CNTNAP2: variants seen among roughly 807,000 people sequenced by gnomAD.
CNTNAP2 encodes contactin-associated protein-like 2.
Under a neutral mutation model 155.2 loss-of-function variants are expected in CNTNAP2, and 98 were observed. The observed-to-expected ratio is 0.63, with a 90% CI of 0.54 to 0.75. The LOEUF (loss-of-function observed/expected upper bound fraction) is 0.75. Among genes scored for constraint, CNTNAP2 ranks in the 30% least tolerant of loss-of-function variants. The pLI, the probability that CNTNAP2 is intolerant of heterozygous loss-of-function variation, is 0.00. For synonymous variants in CNTNAP2, 651 were observed against 631.2 expected (o/e 1.03, Z -0.47); for missense variants, 1,727 against 1,688.1 (o/e 1.02, Z -0.40).
chr7:148,309,402 C>A (rs867655814), intron 21 of CNTNAP2, among the ~76,000 whole-genome samples: 1 of 152,094 alleles, frequency 6.6e-6, no homozygotes, highest in African/African-American at 2.4e-5. Context: ...AGCCTTCAGT[C>A]GAGATGAAAA....
intron 15 of CNTNAP2, among the ~76,000 whole-genome samples, chr7:148,004,421 TAAG>T (rs1271521346): frequency 6.6e-6 from 1 of 152,200 alleles, no homozygotes; most frequent in Non-Finnish European, 1.5e-5. Context: ...AAAATATTAA[TAAG>T]AAAAGCTCAA....
At chr7:146,350,007 T>TACAAA (rs1156658734) in intron 1 of CNTNAP2, among the ~76,000 whole-genome samples, 1 of 152,166 alleles carries the variant, frequency 6.6e-6, no homozygotes, top group East Asian at 1.9e-4. Flanking sequence ...TGAATCTGAA[T>TACAAA]GTTGGCCTGC....
chr7:148,116,265 G>A (rs1242451458), intron 15 of CNTNAP2, among the ~76,000 whole-genome samples: 2 of 152,012 alleles, frequency 1.3e-5, no homozygotes, highest in African/African-American at 2.4e-5. Flanking sequence ...TATTACCTGC[G>A]ACAGTAATTA....
At chr7:146,149,279 G>T (rs1798000513) in intron 1 of CNTNAP2, among the ~76,000 whole-genome samples, 1 of 152,076 alleles carries the variant, frequency 6.6e-6, no homozygotes, top group African/African-American at 2.4e-5. Flanking sequence ...TTTGTTAGGT[G>T]AAGAAAATGA....
rs535025143 is a variant in CNTNAP2 at position 148,100,677 on chromosome 7, T to A, written c.2384-17441T>A. Among the ~76,000 whole-genome samples the A allele has an allele frequency of 4.6e-5, 7 of 152,346 alleles. No individual in the cohort carries two copies. The South Asian group carries it at 1.5e-3, about 32-fold the overall frequency. Reference sequence around the variant, plus strand: ...ATGGTTTATGCCACATTATGTCACATTTTTTGTCCAAATGAATGCATGTTT... The same window carrying A: ...ATGGTTTATGCCACATTATGTCACAATTTTTGTCCAAATGAATGCATGTTT... On this transcript the variant is annotated intron_variant, in intron 15 of 23. Coordinates refer to ENST00000361727, the MANE Select transcript of CNTNAP2 (RefSeq NM_014141.6).
intron 13 of CNTNAP2, among the ~76,000 whole-genome samples, chr7:147,863,615 C>T (rs1223894218): frequency 6.6e-6 from 1 of 152,020 alleles, no homozygotes. Flanking sequence ...TTTTAATGAT[C>T]ACCATTCTAA....
intron 3 of CNTNAP2, among the ~76,000 whole-genome samples, chr7:146,927,603 A>T (rs1366563765): frequency 6.8e-6 from 1 of 147,868 alleles, no homozygotes; most frequent in Non-Finnish European, 1.5e-5. Context: ...TACTCCTGGA[A>T]TAATAGCATG....
chr7:148,288,902 C>T (rs1334940898), intron 21 of CNTNAP2, among the ~76,000 whole-genome samples: 1 of 134,554 alleles, frequency 7.4e-6, no homozygotes, highest in African/African-American at 2.9e-5. Context: ...GTTCATTCTA[C>T]TTTGACTTTT....
chr7:146,492,205 G>A (rs1797151296), intron 1 of CNTNAP2, among the ~76,000 whole-genome samples: 2 of 143,960 alleles, frequency 1.4e-5, no homozygotes, highest in South Asian at 5.0e-4. Context: ...CATATAAAAG[G>A]TTGAGAGAAG....
At chr7:147,218,316 C>T (rs1803320058) in intron 8 of CNTNAP2, among the ~76,000 whole-genome samples, 1 of 151,660 alleles carries the variant, frequency 6.6e-6, no homozygotes, top group African/African-American at 2.4e-5. Context: ...CTACATCCAA[C>T]AAATGTTAAT....
chr7:147,770,938 A>G (rs1209035564), intron 13 of CNTNAP2, among the ~76,000 whole-genome samples: 2 of 152,240 alleles, frequency 1.3e-5, no homozygotes, highest in African/African-American at 4.8e-5. Flanking sequence ...TCTTTCTACC[A>G]TACATAAAAG....
At chr7:146,865,951 C>G (rs1030758740) in intron 3 of CNTNAP2, among the ~76,000 whole-genome samples, 2 of 152,116 alleles carry the variant, frequency 1.3e-5, no homozygotes, top group African/African-American at 4.8e-5. Context: ...ATTGTCTTTG[C>G]GTCTGCTTCT....
chr7:147,194,163 T>C (rs906057086), intron 8 of CNTNAP2, among the ~76,000 whole-genome samples: 7 of 151,984 alleles, frequency 4.6e-5, no homozygotes, highest in African/African-American at 9.7e-5. Context: ...CTCCCACTTA[T>C]GAGTGAGAAC....
chr7:146,650,299 T>C (rs1282667105), intron 1 of CNTNAP2, among the ~76,000 whole-genome samples: 4 of 152,038 alleles, frequency 2.6e-5, no homozygotes, highest in Admixed American at 2.6e-4. Flanking sequence ...CAACCCAAAT[T>C]CCTATCAATG....
chr7:146,945,842 A>G (rs1455166244), intron 3 of CNTNAP2, among the ~76,000 whole-genome samples: 1 of 152,122 alleles, frequency 6.6e-6, no homozygotes, highest in Non-Finnish European at 1.5e-5. Flanking sequence ...AGCCCCCACC[A>G]TCTCCAGAAA....
chr7:146,765,985 G>A (rs900123689), intron 1 of CNTNAP2, among the ~76,000 whole-genome samples: 1 of 151,942 alleles, frequency 6.6e-6, no homozygotes, highest in Non-Finnish European at 1.5e-5. Flanking sequence ...ATAAAATAGC[G>A]CCAGAGATAT....
At chr7:148,193,779 T>C (rs1337915684) in intron 18 of CNTNAP2, among the ~76,000 whole-genome samples, 4 of 152,002 alleles carry the variant, frequency 2.6e-5, no homozygotes, top group Non-Finnish European at 5.9e-5. Flanking sequence ...AGGCCCAGCC[T>C]CATTTCCTGT....
intron 1 of CNTNAP2, among the ~76,000 whole-genome samples, chr7:146,455,904 C>T (rs942027949): frequency 3.3e-5 from 5 of 152,034 alleles, no homozygotes; most frequent in African/African-American, 1.2e-4. Flanking sequence ...TTAAAAGTGA[C>T]TTAAAACATG....
intron 8 of CNTNAP2, among the ~76,000 whole-genome samples, chr7:147,139,717 A>G (rs1801557236): frequency 6.6e-6 from 1 of 152,090 alleles, no homozygotes; most frequent in Non-Finnish European, 1.5e-5. Flanking sequence ...GGGATTCTGC[A>G]GATTCTGTGA....
Sources: allele counts gnomAD v4.1 joint callset (sites outside exome capture counted in the v4.1 genomes callset), GRCh38; gene constraint gnomAD v4.1.1; transcripts MANE v1.5; gene names NCBI Gene and HGNC (gene_info 2026-07-23, HGNC 2026-07-21).